The following BRD3 variants were observed in gnomAD, a reference collection of about 807,000 sequenced individuals.
The protein encoded by BRD3 is bromodomain-containing protein 3.
A neutral mutation model predicts 66.8 loss-of-function variants in BRD3; 17 were observed. The ratio of observed to expected loss-of-function variants is 0.25; its 90% CI spans 0.17 to 0.38. The LOEUF (loss-of-function observed/expected upper bound fraction) is 0.38. Among genes scored for constraint, BRD3 ranks in the 10% least tolerant of loss-of-function variants. BRD3 has a pLI of 1.00. For missense variants in BRD3, 713 were observed against 956.1 expected, an observed-to-expected ratio of 0.75 and a Z score of 3.35; for synonymous variants, 421 against 393.2, an observed-to-expected ratio of 1.07 and a Z score of -0.84.
intron 1 of BRD3, among the ~76,000 whole-genome samples, chr9:134,067,606 GCGCGCGGGC>G (rs908349676): frequency 3.1e-4 from 45 of 147,032 alleles, no homozygotes; most frequent in African/African-American, 7.6e-4. Flanking sequence ...CTGGCGCGGG[GCGCGCGGGC>G]CGCGCCAACT....
intron 7 of BRD3, among the ~76,000 whole-genome samples, chr9:134,043,822 C>A (rs574482612): frequency 6.6e-6 from 1 of 152,352 alleles, no homozygotes; most frequent in South Asian, 2.1e-4. Flanking sequence ...TCCTGAATAG[C>A]TGGTACTACA....
At chr9:134,060,614 ACACACACG>A (rs930268200) in intron 1 of BRD3, among the ~76,000 whole-genome samples, 12 of 151,616 alleles carry the variant, frequency 7.9e-5, no homozygotes, top group Non-Finnish European at 1.2e-4. Flanking sequence ...ACACACACAC[ACACACACG>A]ATCTGGAATG....
chr9:134,065,214 G>T lies in BRD3; in HGVS notation c.-114+2731C>A, dbSNP rs536307523. ...CCAAGGCAGGTGGATCACGAGGTGA[G>T]GAGTTCGAGACCAGCCTGTCCAACA... On this transcript the variant is annotated intron_variant, in intron 1 of 11. Transcript: ENST00000303407. Among the ~76,000 whole-genome samples, 9 of 152,172 alleles carry T rather than the reference G, an allele frequency of 5.9e-5. No individual in the cohort carries two copies. The South Asian group carries it at 1.9e-3, about 32-fold the overall frequency.
intron 5 of BRD3, among the ~76,000 whole-genome samples, chr9:134,049,532 G>A (rs1374377531): frequency 6.6e-6 from 1 of 152,246 alleles, no homozygotes; most frequent in Non-Finnish European, 1.5e-5. Context: ...GCGGATAGGA[G>A]CGGGGACAGA....
chr9:134,059,586 G>T (rs1830495539), intron 1 of BRD3, among the ~76,000 whole-genome samples: 1 of 152,238 alleles, frequency 6.6e-6, no homozygotes, highest in African/African-American at 2.4e-5. Context: ...TCTCCTGGGG[G>T]TAAACCCTTG....
At position 134,048,329 on chromosome 9, in the gene BRD3, C is replaced by T; in HGVS notation, c.840G>A (p.Glu280=). ...GAGGCTTGATGGGGCGGCCACCACTCTCCCGCCGGGCCACCACTTTGGCCT... is the reference window on the plus strand; with the variant it reads ...GAGGCTTGATGGGGCGGCCACCACTTTCCCGCCGGGCCACCACTTTGGCCT... ...PKQAKVVARR[E]SGGRPIKPPK... The change falls in exon 6 of 12, where the codon GAG becomes GAA. Residue 280 remains glutamate (E), a synonymous_variant. Coordinates refer to ENST00000303407, the MANE Select transcript of BRD3 (RefSeq NM_007371.4). The T allele has an allele frequency of 1.3e-6, 2 of 1,599,160 alleles. No homozygotes were observed. The highest frequency in any genetic ancestry group is 1.7e-6 in the Non-Finnish European group (2 of 1,179,304).
At position 134,050,358 on chromosome 9, in the gene BRD3, G is replaced by A. The variant is rs1830263617; in HGVS notation, c.714+16C>T. On this transcript the variant is annotated intron_variant, in intron 5 of 11. Coordinates refer to ENST00000303407, the MANE Select transcript of BRD3 (RefSeq NM_007371.4). Reference sequence around the variant, plus strand: ...CGGGCTCAGGTGCCCCACCCATCCGGACTCAGGGTGCTCACCTTGACGACA... The same window carrying A: ...CGGGCTCAGGTGCCCCACCCATCCGAACTCAGGGTGCTCACCTTGACGACA... 2.5e-6 allele frequency: 4 copies of A among 1,604,238 alleles called. No individual in the cohort carries two copies. Among genetic ancestry groups the A allele is most frequent in the African/African-American group, 2.7e-5 (2 of 74,766 alleles).
intron 1 of BRD3, among the ~76,000 whole-genome samples, chr9:134,059,945 G>A (rs1830502473): frequency 6.6e-6 from 1 of 152,200 alleles, no homozygotes; most frequent in African/African-American, 2.4e-5. Flanking sequence ...GGACAGGCCT[G>A]GGGAGCCAGA....
At chr9:134,053,243 T>C (rs1267998978) in intron 2 of BRD3, 22 bp downstream of exon 2, 2 of 1,612,472 alleles carry the variant, frequency 1.2e-6, no homozygotes, top group Admixed American at 1.7e-5. Flanking sequence ...ACGTGGCTCT[T>C]GGGGAGGCAG....
rs1385316388 is a variant in BRD3, at chr9:134,031,995, G to T, written c.*1595C>A. 9.2e-6 allele frequency: 2 copies of T among 217,024 alleles called. No homozygotes were observed. The highest frequency in any genetic ancestry group is 4.5e-5 in the African/African-American group (2 of 44,320). 13.4% of individuals were successfully genotyped at this position (217,024 alleles called of 1,614,324 possible). ...GCCCAGAGACTCCTCCACCCCTGGG[G>T]AGGGCAGACAGGCTCGGGAGGGCCT... is the stretch of plus-strand genomic sequence containing the variant. On this transcript the variant is annotated 3_prime_UTR_variant, in exon 12 of 12. Transcript: ENST00000303407.
intron 1 of BRD3, among the ~76,000 whole-genome samples, chr9:134,062,386 T>G (rs1349968463): frequency 3.3e-5 from 5 of 152,054 alleles, no homozygotes; most frequent in South Asian, 2.1e-4. Context: ...CAGCGCTGCC[T>G]CTCCCGTGAC....
Position 134,033,847 on chromosome 9 carries a change from T to C in BRD3, c.2066-142A>G. 1.7e-6 allele frequency: 1 copy of C among 583,900 alleles called. No individual in the cohort carries two copies. Among genetic ancestry groups the C allele is most frequent in the Non-Finnish European group, 3.1e-6 (1 of 326,542 alleles). The allele number at this position is 583,900 out of a possible 1,614,324, so 36.2% of individuals were successfully genotyped here. A position where few individuals can be genotyped will look rare whatever the true frequency, so the allele number is the denominator to read the frequency against. The stretch of plus-strand genomic sequence containing the variant: ...CTGACCCAGTCGTTTAATAAGTATT[T>C]ATTGAAATTAATCAGGTCAACAAGA... On this transcript the variant is annotated intron_variant, in intron 11 of 11. Transcript: ENST00000303407. The surrounding 1 kb of genome is among the most constrained non-coding windows in gnomAD (Gnocchi z 5.1).
intron 1 of BRD3, among the ~76,000 whole-genome samples, chr9:134,059,614 CAG>C (rs1491430990): frequency 1.3e-5 from 2 of 152,218 alleles, no homozygotes; most frequent in Non-Finnish European, 2.9e-5. Flanking sequence ...TCTTGGGGAA[CAG>C]GGGGGCCCCA....
chr9:134,068,181 GGGC>G (rs948246348), upstream of BRD3: 1 of 142,536 alleles, frequency 7.0e-6, no homozygotes, highest in Admixed American at 6.9e-5. Flanking sequence ...CCCGCCCCGG[GGGC>G]CCCCGCCCGC....
In BRD3 at chr9:134,051,632, C is replaced by T. The variant is rs1830298379; in HGVS notation, c.429G>A (p.Glu143=). The T allele has an allele frequency of 3.1e-6, 5 of 1,589,542 alleles. No individual in the cohort carries two copies. In the South Asian group the frequency reaches 4.6e-5, roughly 15 times the overall value. Residue 143 remains glutamate (E), a synonymous_variant, in exon 4 of 12, where the codon GAG becomes GAA. Coordinates refer to ENST00000303407, the MANE Select transcript of BRD3 (RefSeq NM_007371.4). The stretch of plus-strand genomic sequence containing the variant: ...GAGCAGGGGGTAATAATTCAACTTC[C>T]TCTTGGGGCATCTGGGCCACTTTTT... ...FLQKVAQMPQ[E]EVELLPPAPK...
chr9:134,053,327 A>G lies in BRD3; in HGVS notation c.151T>C (p.Trp51Arg). 6.2e-7 allele frequency: 1 copy of G among 1,613,248 alleles called. No individual in the cohort carries two copies. Among genetic ancestry groups the G allele is most frequent in the South Asian group, 1.1e-5 (1 of 91,074 alleles). The change falls in exon 2 of 12, where the codon TGG becomes CGG. Residue 51 changes from tryptophan (W) to arginine (R), a missense_variant. Trp to Arg is a moderately radical substitution (Grantham distance 101). Coordinates refer to ENST00000303407, the MANE Select transcript of BRD3 (RefSeq NM_007371.4). ...YMQNVVVKTL[W>R]KHQFAWPFYQ... ...AAGGGCCAGGCGAACTGGTGTTTCCAGAGCGTCTTCACCACCACATTCTGC... is the reference window on the plus strand; with the variant it reads ...AAGGGCCAGGCGAACTGGTGTTTCCGGAGCGTCTTCACCACCACATTCTGC...
Position 134,045,630 on chromosome 9 carries a change from G to C in BRD3, c.1087-209C>G, listed in dbSNP as rs1830150871. 6.6e-6 allele frequency among the ~76,000 whole-genome samples: 1 copy of C among 152,184 alleles called. No individual in the cohort carries two copies. On this transcript the variant is annotated intron_variant, in intron 6 of 11. Coordinates refer to ENST00000303407, the MANE Select transcript of BRD3 (RefSeq NM_007371.4). The surrounding 1 kb of genome is among the most constrained non-coding windows in gnomAD (Gnocchi z 4.8). Reference sequence around the variant, plus strand: ...ACATGAGAGGGTGACTTGATGGCTTGGCAGGGAGGGTCTGGGACTCCAGAG... The same window carrying C: ...ACATGAGAGGGTGACTTGATGGCTTCGCAGGGAGGGTCTGGGACTCCAGAG...
rs758751730 is a variant in BRD3, at chr9:134,050,462, G to T, written c.626C>A (p.Thr209Lys). ...TPVPTITANVTSVPVPPAAAP... is the reference protein window; with the variant it reads ...TPVPTITANVKSVPVPPAAAP... ...GGCAGCTGGGGGGACTGGGACCGAC[G>T]TGACGTTTGCAGTGATGGTTGGTAC... The change falls in exon 5 of 12, where the codon ACG (threonine) becomes AAG (lysine). Residue 209 changes from threonine to lysine, a missense_variant. Around this residue, in one of 5 missense-constraint regions of BRD3, gnomAD observed 120 missense variants for 122.8 expected, o/e 0.98. Transcript: ENST00000303407. The T allele has an allele frequency of 6.2e-7, 1 of 1,612,314 alleles. No individual in the cohort carries two copies.
In BRD3 at chr9:134,032,869, T is replaced by A; in HGVS notation, c.*721A>T. On this transcript the variant is annotated 3_prime_UTR_variant, in exon 12 of 12. Coordinates refer to ENST00000303407, the MANE Select transcript of BRD3 (RefSeq NM_007371.4). ...TTTTTTTTTTTTAAATCTTTTCTTC[T>A]TTTTTTTTTTTTAAAGTTGAGGTAA... is the stretch of plus-strand genomic sequence containing the variant. 1 of 75,572 alleles carries A rather than the reference T, an allele frequency of 1.3e-5. No individual in the cohort carries two copies. Among genetic ancestry groups the A allele is most frequent in the Non-Finnish European group, 3.3e-5 (1 of 30,674 alleles). 4.7% of individuals were successfully genotyped at this position (75,572 alleles called of 1,614,324 possible). A position where few individuals can be genotyped will look rare whatever the true frequency, so the allele number is the denominator to read the frequency against.
Sources: allele counts gnomAD v4.1 joint callset (sites outside exome capture counted in the v4.1 genomes callset), GRCh38; gene constraint gnomAD v4.1.1; regional missense constraint gnomAD v4.1.1; non-coding constraint Gnocchi (gnomAD v3.1); transcripts MANE v1.5; gene names NCBI Gene and HGNC (gene_info 2026-07-23, HGNC 2026-07-21).